ZSCAN5A: variants seen among roughly 807,000 people sequenced by gnomAD.
ZSCAN5A encodes zinc finger and SCAN domain-containing protein 5A.
Under a neutral mutation model 23.7 loss-of-function variants are expected in ZSCAN5A, and 12 were observed. The ratio of observed to expected loss-of-function variants is 0.51; its 90% CI spans 0.32 to 0.82. The LOEUF (loss-of-function observed/expected upper bound fraction) is 0.82, where lower values mean the gene tolerates loss of function less well. ZSCAN5A is among the 40% of genes least tolerant of loss of function. The pLI is 0.03. For synonymous variants in ZSCAN5A, 257 were observed against 239.9 expected (o/e 1.07, Z -0.66); for missense variants, 597 against 617.9 (o/e 0.97, Z 0.36).
chr19:56,334,982 T>C (rs1004293597), intron 2 of ZSCAN5A, among the ~76,000 whole-genome samples: 10 of 152,014 alleles, frequency 6.6e-5, no homozygotes, highest in Admixed American at 6.6e-4. Context: ...AGAATACGGA[T>C]AAAAACAAAC....
intron 2 of ZSCAN5A, among the ~76,000 whole-genome samples, chr19:56,251,965 C>T (rs956090177): frequency 4.6e-5 from 7 of 152,200 alleles, no homozygotes; most frequent in African/African-American, 1.7e-4. Flanking sequence ...TATATATTCT[C>T]TGCTCCTTTG....
intron 2 of ZSCAN5A, among the ~76,000 whole-genome samples, chr19:56,361,626 G>A (rs2041733753): frequency 6.6e-6 from 1 of 152,134 alleles, no homozygotes; most frequent in Non-Finnish European, 1.5e-5. Context: ...AACACTGCAT[G>A]TTCTCACTTA....
chr19:56,228,372 C>T lies in ZSCAN5A; in HGVS notation c.-127-3199G>A, dbSNP rs1037411858. On this transcript the variant is annotated intron_variant, in intron 2 of 5. Coordinates refer to ENST00000683990, the MANE Select transcript of ZSCAN5A (RefSeq NM_001322064.3). Reference sequence around the variant, plus strand: ...TCCAGGCCGCGTTTCCGGTTCCCTGCGCCGCCCCGTGATTGGTTTAGGGCC... The same window carrying T: ...TCCAGGCCGCGTTTCCGGTTCCCTGTGCCGCCCCGTGATTGGTTTAGGGCC... The T allele has an allele frequency of 6.1e-6, 6 of 985,224 alleles. No homozygotes were observed. In the African/African-American group the frequency reaches 7.0e-5, roughly 11 times the overall value. The allele number at this position is 985,224 out of a possible 1,614,324, so 61.0% of individuals were successfully genotyped here.
chr19:56,360,528 T>C (rs2041727687), intron 2 of ZSCAN5A, among the ~76,000 whole-genome samples: 2 of 152,074 alleles, frequency 1.3e-5, no homozygotes, highest in Non-Finnish European at 2.9e-5. Flanking sequence ...TTAATGCTAT[T>C]CCCACTAAAC....
chr19:56,299,572 G>A (rs949415098), intron 2 of ZSCAN5A, among the ~76,000 whole-genome samples: 3 of 152,136 alleles, frequency 2.0e-5, no homozygotes, highest in Admixed American at 6.6e-5. Context: ...AGTATCCTCA[G>A]GGGTTGGGTC....
intron 2 of ZSCAN5A, among the ~76,000 whole-genome samples, chr19:56,250,977 T>C (rs977076446): frequency 6.6e-6 from 1 of 152,046 alleles, no homozygotes; most frequent in Non-Finnish European, 1.5e-5. Flanking sequence ...AGTGAAATCC[T>C]GTCTCTACTA....
rs2041584017 is a variant in ZSCAN5A, at chr19:56,340,531, TA to T, written c.-358+22703del. On this transcript the variant is annotated intron_variant, in intron 2 of 6. Coordinates refer to the ZSCAN5A transcript ENST00000587340. ...GAATACTAATGATAATAATTTAGGA[TA>T]TTTTTGGCTACAGCTAGAGAAATCT... Among the ~76,000 whole-genome samples the T allele has an allele frequency of 1.1e-4, 16 of 152,358 alleles. No individual in the cohort carries two copies. The South Asian group carries it at 3.1e-3, about 30-fold the overall frequency.
At chr19:56,240,607 T>C (rs1375252465) in intron 2 of ZSCAN5A, among the ~76,000 whole-genome samples, 1 of 150,670 alleles carries the variant, frequency 6.6e-6, no homozygotes, top group Non-Finnish European at 1.5e-5. Flanking sequence ...TCAGAAAGAT[T>C]TGGGTTTATT....
intron 2 of ZSCAN5A, among the ~76,000 whole-genome samples, chr19:56,323,884 G>A (rs1385347038): frequency 6.6e-6 from 1 of 151,868 alleles, no homozygotes; most frequent in Non-Finnish European, 1.5e-5. Context: ...TATATTGTGG[G>A]ATCAGTGGTA....
chr19:56,360,366 A>T (rs1555814764), intron 2 of ZSCAN5A, among the ~76,000 whole-genome samples: 4 of 152,236 alleles, frequency 2.6e-5, no homozygotes, highest in Non-Finnish European at 5.9e-5. Flanking sequence ...ACAGCTAATA[A>T]GGGGAAGTGA....
At chr19:56,223,342 T>G (rs1236229467) in intron 4 of ZSCAN5A, among the ~76,000 whole-genome samples, 1 of 152,248 alleles carries the variant, frequency 6.6e-6, no homozygotes, top group African/African-American at 2.4e-5. Flanking sequence ...GGAAACTGGC[T>G]ACGGGGAAGG....
chr19:56,223,589 T>A, intron 4 of ZSCAN5A, 42 bp downstream of exon 4: 1 of 1,602,910 alleles, frequency 6.2e-7, no homozygotes, highest in Non-Finnish European at 8.5e-7. Flanking sequence ...CTCCTGTTCC[T>A]TCTCCCACCT....
upstream of ZSCAN5A, among the ~76,000 whole-genome samples, chr19:56,318,439 C>G (rs2041340117): frequency 6.6e-6 from 1 of 152,096 alleles, no homozygotes; most frequent in South Asian, 2.1e-4. Flanking sequence ...ATTTAACAGT[C>G]CAATCTAGAA....
At chr19:56,250,951 C>G (rs1018536657) in intron 2 of ZSCAN5A, among the ~76,000 whole-genome samples, 2 of 152,108 alleles carry the variant, frequency 1.3e-5, no homozygotes, top group Admixed American at 6.6e-5. Flanking sequence ...AAGATCAAGA[C>G]CATCCTGGCT....
At chr19:56,267,237 A>G (rs1325150835) in intron 2 of ZSCAN5A, among the ~76,000 whole-genome samples, 4 of 151,918 alleles carry the variant, frequency 2.6e-5, no homozygotes, top group Non-Finnish European at 4.4e-5. Flanking sequence ...GTGTTTGTCA[A>G]TATTGTTGTT....
At chr19:56,304,967 G>A (rs1346199025) in intron 2 of ZSCAN5A, 5 of 197,116 alleles carry the variant, frequency 2.5e-5, no homozygotes, top group Non-Finnish European at 4.6e-5. Context: ...AGAATTCCAT[G>A]AGAAGTCCCA....
At chr19:56,359,088 A>C (rs10418348) in intron 2 of ZSCAN5A, among the ~76,000 whole-genome samples, 12,088 of 152,188 alleles carry the variant, frequency 0.079, 693 homozygotes, top group East Asian at 0.26. Context: ...GCACAACTGA[A>C]GAAGAAAGAG....
At chr19:56,243,571 G>A (rs2035601797) in intron 2 of ZSCAN5A, among the ~76,000 whole-genome samples, 1 of 152,132 alleles carries the variant, frequency 6.6e-6, no homozygotes. Context: ...CTTGGATCTT[G>A]TCTGGACAGG....
Position 56,274,863 on chromosome 19 carries a change from C to T in ZSCAN5A, c.-128+38420G>A, listed in dbSNP as rs549035208. ...ATCTCCTTTGGTCTTGTGATTTGTCCTTAGGATGTGTGATTGAACCTCCTC... is the reference window on the plus strand; with the variant it reads ...ATCTCCTTTGGTCTTGTGATTTGTCTTTAGGATGTGTGATTGAACCTCCTC... On this transcript the variant is annotated intron_variant, in intron 2 of 5. Coordinates refer to ENST00000683990, the MANE Select transcript of ZSCAN5A (RefSeq NM_001322064.3). The T allele has an allele frequency of 3.3e-5, 5 of 152,142 alleles. No homozygotes were observed. The East Asian group carries it at 9.6e-4, about 29-fold the overall frequency. The allele number at this position is 152,142 out of a possible 1,614,324, so 9.4% of individuals were successfully genotyped here.
Sources: allele counts gnomAD v4.1 joint callset (sites outside exome capture counted in the v4.1 genomes callset), GRCh38; gene constraint gnomAD v4.1.1; transcripts MANE v1.5; gene names NCBI Gene and HGNC (gene_info 2026-07-23, HGNC 2026-07-21).